The following DKK2 variants were observed in gnomAD, a reference collection of about 807,000 sequenced individuals.
DKK2 encodes dickkopf-related protein 2.
A neutral mutation model predicts 28.1 loss-of-function variants in DKK2; 11 were observed. The ratio of observed to expected loss-of-function variants is 0.39; its 90% CI spans 0.25 to 0.65. The LOEUF is 0.65. Ranked by LOEUF, DKK2 falls within the 30% of genes least tolerant of loss-of-function variation. The pLI, the probability that DKK2 is intolerant of heterozygous loss-of-function variation, is 0.47. For missense variants in DKK2, 326 were observed against 335.5 expected (o/e 0.97, Z 0.22); for synonymous variants, 135 against 126.5 (o/e 1.07, Z -0.45).
chr4:106,998,350 T>C (rs1723305373), intron 1 of DKK2, among the ~76,000 whole-genome samples: 1 of 152,158 alleles, frequency 6.6e-6, no homozygotes. Context: ...ACATAAAATG[T>C]TTCCACATTT....
chr4:106,967,397 G>C (rs1722798694), intron 1 of DKK2, among the ~76,000 whole-genome samples: 2 of 152,084 alleles, frequency 1.3e-5, no homozygotes, highest in South Asian at 4.1e-4. Context: ...GTTGCAATGA[G>C]AGCCAAGCTG....
At chr4:107,010,930 G>A (rs1005368503) in intron 1 of DKK2, among the ~76,000 whole-genome samples, 4 of 151,462 alleles carry the variant, frequency 2.6e-5, no homozygotes, top group South Asian at 2.1e-4. Flanking sequence ...TGAAAGTAGA[G>A]CGAAGCATGA....
intron 1 of DKK2, among the ~76,000 whole-genome samples, chr4:106,950,353 T>G (rs1210404639): frequency 6.6e-6 from 1 of 152,126 alleles, no homozygotes; most frequent in African/African-American, 2.4e-5. Flanking sequence ...TCCAGCCTCT[T>G]CTGAATGTGT....
rs34068030 is a variant in DKK2 at position 106,963,351 on chromosome 4, T to TAAA, written c.223-37405_223-37403dup. Among the ~76,000 whole-genome samples, 692 of 138,100 alleles carry TAAA rather than the reference T, an allele frequency of 5.0e-3. 3 individuals are homozygous for TAAA. The highest frequency in any genetic ancestry group is 0.017 in the African/African-American group (642 of 37,226). The allele number at this position is 138,100 out of a possible 152,430, so 90.6% of individuals were successfully genotyped here. On this transcript the variant is annotated intron_variant, in intron 1 of 3. Transcript: ENST00000285311. ...CTGGGCGACACAGTTAGACTCTGTC[T>TAAA]AAAAAAAAAAAAGAGGCAAAAAATC... is the stretch of plus-strand genomic sequence containing the variant.
intron 1 of DKK2, among the ~76,000 whole-genome samples, chr4:106,969,352 A>AT (rs1722829000): frequency 6.6e-6 from 1 of 150,678 alleles, no homozygotes; most frequent in African/African-American, 2.4e-5. Context: ...ATTCATGACT[A>AT]TTTTTCTGGG....
Position 106,978,871 on chromosome 4 carries a change from C to A in DKK2, c.223-52922G>T, listed in dbSNP as rs142596875. 8.1e-3 allele frequency among the ~76,000 whole-genome samples: 1,231 copies of A among 152,002 alleles called. 9 individuals carry two copies. Among genetic ancestry groups the A allele is most frequent in the African/African-American group, 0.027 (1,104 of 41,472 alleles). ...CAGCCTCCCAGTTTTGTGCTTGAAACCCAGGGCCCTGGTGGTGTAGGCACC... is the reference window on the plus strand; with the variant it reads ...CAGCCTCCCAGTTTTGTGCTTGAAAACCAGGGCCCTGGTGGTGTAGGCACC... On this transcript the variant is annotated intron_variant, in intron 1 of 3. Coordinates refer to ENST00000285311, the MANE Select transcript of DKK2 (RefSeq NM_014421.3).
chr4:106,983,370 AG>A (rs1723063101), intron 1 of DKK2, among the ~76,000 whole-genome samples: 3 of 150,714 alleles, frequency 2.0e-5, no homozygotes, highest in Non-Finnish European at 4.4e-5. Context: ...GAAAGAAAGA[AG>A]AAAGAAAAGA....
At chr4:106,931,264 G>A (rs1724499469) in intron 1 of DKK2, among the ~76,000 whole-genome samples, 1 of 152,038 alleles carries the variant, frequency 6.6e-6, no homozygotes, top group South Asian at 2.1e-4. Flanking sequence ...ATGATGTCCT[G>A]CATGTGTAGT....
In DKK2 at chr4:107,035,936, C is replaced by A. The variant is rs1336555180; in HGVS notation, c.-345G>T. 4 of 318,580 alleles carry A rather than the reference C, an allele frequency of 1.3e-5. No homozygotes were observed. The highest frequency in any genetic ancestry group is 2.4e-5 in the Non-Finnish European group (4 of 169,052). 19.7% of individuals were successfully genotyped at this position (318,580 alleles called of 1,614,324 possible). A position where few individuals can be genotyped will look rare whatever the true frequency, so the allele number is the denominator to read the frequency against. On this transcript the variant is annotated 5_prime_UTR_variant, in exon 1 of 4. Transcript: ENST00000285311. ...GCACCGCTTCCGTTCCTTCTTGCCC[C>A]GCACCTCCTTGGTCCCGCCGGGATC...
chr4:107,016,072 G>T (rs1175719750), intron 1 of DKK2, among the ~76,000 whole-genome samples: 1 of 151,710 alleles, frequency 6.6e-6, no homozygotes, highest in Non-Finnish European at 1.5e-5. Context: ...CAACAAATAA[G>T]GCCTGCTCTT....
chr4:106,991,771 A>G (rs1050175215), intron 1 of DKK2, among the ~76,000 whole-genome samples: 14 of 152,096 alleles, frequency 9.2e-5, no homozygotes, highest in Non-Finnish European at 1.9e-4. Flanking sequence ...TACCACTTTT[A>G]ATTATCTCTA....
chr4:106,997,704 T>A (rs1205060198), intron 1 of DKK2, among the ~76,000 whole-genome samples: 2 of 152,234 alleles, frequency 1.3e-5, no homozygotes, highest in South Asian at 2.1e-4. Context: ...TGCTGAATTT[T>A]CTTTTCAATA....
intron 1 of DKK2, among the ~76,000 whole-genome samples, chr4:106,959,175 G>T (rs911911418): frequency 7.9e-5 from 12 of 152,018 alleles, no homozygotes; most frequent in African/African-American, 2.4e-4. Context: ...TCTAAAAAAA[G>T]ATTTTATTTG....
rs371543159 is a variant in DKK2, at chr4:107,024,180, C to T, written c.222+11190G>A. ...ATGACCCTAAAGCTTAGTTTCAGAA[C>T]CTTAAAAATATACTGATATCTATTA... On this transcript the variant is annotated intron_variant, in intron 1 of 3. Coordinates refer to ENST00000285311, the MANE Select transcript of DKK2 (RefSeq NM_014421.3). 3.5e-4 allele frequency among the ~76,000 whole-genome samples: 54 copies of T among 152,122 alleles called. No homozygotes were observed. In the South Asian group the frequency reaches 0.01, roughly 29 times the overall value.
At chr4:107,015,715 T>C (rs1311144950) in intron 1 of DKK2, among the ~76,000 whole-genome samples, 1 of 151,752 alleles carries the variant, frequency 6.6e-6, no homozygotes, top group South Asian at 2.1e-4. Context: ...TCTCAATCTA[T>C]ATCTAGGCTC....
chr4:106,926,846 C>T (rs546203185), intron 1 of DKK2, among the ~76,000 whole-genome samples: 1 of 152,144 alleles, frequency 6.6e-6, no homozygotes, highest in Non-Finnish European at 1.5e-5. Context: ...AGGGGTTATA[C>T]ATACATATAT....
chr4:106,990,917 G>GA (rs1370040652), intron 1 of DKK2, among the ~76,000 whole-genome samples: 1 of 151,824 alleles, frequency 6.6e-6, no homozygotes, highest in Non-Finnish European at 1.5e-5. Context: ...ACATGTAGAA[G>GA]AAAATGACAG....
At chr4:107,035,207 C>G (rs2110379963) in intron 1 of DKK2, among the ~76,000 whole-genome samples, 163 bp downstream of exon 1, 1 of 152,274 alleles carries the variant, frequency 6.6e-6, no homozygotes, top group Middle Eastern at 3.4e-3. Context: ...CCCAGACACC[C>G]CCCGCCCACG....
At chr4:106,982,759 G>T (rs1723043350) in intron 1 of DKK2, among the ~76,000 whole-genome samples, 1 of 151,788 alleles carries the variant, frequency 6.6e-6, no homozygotes, top group African/African-American at 2.4e-5. Context: ...AAAATTTCAA[G>T]ACAGGCATAG....
Sources: allele counts gnomAD v4.1 joint callset (sites outside exome capture counted in the v4.1 genomes callset), GRCh38; gene constraint gnomAD v4.1.1; transcripts MANE v1.5; gene names NCBI Gene and HGNC (gene_info 2026-07-23, HGNC 2026-07-21).